SCAPER: variants seen among roughly 807,000 people sequenced by gnomAD.
The protein encoded by SCAPER is S phase cyclin A-associated protein in the endoplasmic reticulum.
Under a neutral mutation model 182.2 loss-of-function variants are expected in SCAPER, and 98 were observed. The observed-to-expected ratio is 0.54, with a 90% CI of 0.46 to 0.64. The LOEUF is 0.64. Among genes scored for constraint, SCAPER ranks in the 30% least tolerant of loss-of-function variants. The pLI is 0.00. For synonymous variants in SCAPER, 605 were observed against 564.6 expected, an observed-to-expected ratio of 1.07 and a Z score of -1.01; for missense variants, 1,432 against 1,690.0, an observed-to-expected ratio of 0.85 and a Z score of 2.68.
chr15:76,586,688 C>A (rs1239158906), intron 22 of SCAPER: 1 of 153,562 alleles, frequency 6.5e-6, no homozygotes, highest in Admixed American at 6.6e-5. Flanking sequence ...CAGATGGATA[C>A]CAAAATCAGA....
chr15:76,554,179 A>G lies in SCAPER; in HGVS notation c.2838+19979T>C, dbSNP rs912192947. The stretch of plus-strand genomic sequence containing the variant: ...CTGAAAAATACACTACAAGAATTTC[A>G]TAAGACAATCGCCAAGTATTAACAG... On this transcript the variant is annotated intron_variant, in intron 23 of 31. Coordinates refer to ENST00000563290, the MANE Select transcript of SCAPER (RefSeq NM_020843.4). 7.9e-5 allele frequency among the ~76,000 whole-genome samples: 12 copies of G among 152,364 alleles called. No homozygotes were observed. In the East Asian group the frequency reaches 9.6e-4, roughly 12 times the overall value.
chr15:76,620,148 AT>A (rs1351973720), intron 22 of SCAPER, among the ~76,000 whole-genome samples: 1 of 152,070 alleles, frequency 6.6e-6, no homozygotes, highest in African/African-American at 2.4e-5. Flanking sequence ...ATATATTTAT[AT>A]TTTCTAAGTG....
chr15:76,504,005 G>A (rs558330755), intron 24 of SCAPER, among the ~76,000 whole-genome samples: 2 of 151,722 alleles, frequency 1.3e-5, no homozygotes, highest in South Asian at 4.2e-4. Flanking sequence ...TCCTTTCTTA[G>A]CCTCCTGAGT....
intron 26 of SCAPER, among the ~76,000 whole-genome samples, chr15:76,410,361 T>C (rs1382628005): frequency 2.0e-5 from 3 of 152,238 alleles, no homozygotes. Flanking sequence ...CCTCTTAACA[T>C]TGTAGCTGAC....
At chr15:76,655,113 G>C (rs1363514292) in intron 21 of SCAPER, among the ~76,000 whole-genome samples, 1 of 152,128 alleles carries the variant, frequency 6.6e-6, no homozygotes, top group East Asian at 1.9e-4. Flanking sequence ...TCAAGATTCA[G>C]GAGAAAGTGT....
At chr15:76,897,936 A>G (rs1273923654) in intron 1 of SCAPER, among the ~76,000 whole-genome samples, 1 of 152,140 alleles carries the variant, frequency 6.6e-6, no homozygotes, top group Non-Finnish European at 1.5e-5. Flanking sequence ...ACAATGTAAT[A>G]ATAAACGTAA....
intron 1 of SCAPER, among the ~76,000 whole-genome samples, chr15:76,889,525 A>C (rs1434864450): frequency 6.6e-6 from 1 of 152,170 alleles, no homozygotes; most frequent in Non-Finnish European, 1.5e-5. Flanking sequence ...CGCAATTCTA[A>C]TCTCTGATAA....
chr15:76,406,147 G>T (rs2044813438), intron 26 of SCAPER, among the ~76,000 whole-genome samples: 1 of 151,940 alleles, frequency 6.6e-6, no homozygotes. Context: ...TTAAAAACTG[G>T]CTTTTACATT....
chr15:76,546,881 G>C (rs2045341202), intron 23 of SCAPER, among the ~76,000 whole-genome samples: 1 of 152,068 alleles, frequency 6.6e-6, no homozygotes. Flanking sequence ...ATGAGTCAAT[G>C]ACCTGTTCAA....
chr15:76,827,516 C>A (rs148900715), intron 5 of SCAPER, among the ~76,000 whole-genome samples: 66 of 152,018 alleles, frequency 4.3e-4, no homozygotes, highest in Admixed American at 1.6e-3. Context: ...TAGAATTGAT[C>A]CAAGTTTTAC....
chr15:76,611,293 A>G (rs888013041), intron 22 of SCAPER, among the ~76,000 whole-genome samples: 1 of 152,210 alleles, frequency 6.6e-6, no homozygotes, highest in Admixed American at 6.5e-5. Flanking sequence ...ACTCGAAACT[A>G]TAAAAGTCTT....
At chr15:76,679,456 GACT>G (rs2057561100) in intron 20 of SCAPER, among the ~76,000 whole-genome samples, 1 of 152,118 alleles carries the variant, frequency 6.6e-6, no homozygotes, top group African/African-American at 2.4e-5. Flanking sequence ...CATCATTTGT[GACT>G]ACATCACTTT....
intron 22 of SCAPER, among the ~76,000 whole-genome samples, chr15:76,588,072 C>A (rs1308164268): frequency 6.6e-6 from 1 of 152,156 alleles, no homozygotes; most frequent in Non-Finnish European, 1.5e-5. Flanking sequence ...CAAGCGCCCA[C>A]CACCATGCCT....
At chr15:76,674,669 A>T (rs751402314) in intron 20 of SCAPER, among the ~76,000 whole-genome samples, 3 of 152,082 alleles carry the variant, frequency 2.0e-5, no homozygotes, top group Non-Finnish European at 4.4e-5. Flanking sequence ...CTGAAAAAAT[A>T]TGTCACATAA....
intron 23 of SCAPER, among the ~76,000 whole-genome samples, chr15:76,511,885 ATTT>A (rs57258010): frequency 0.065 from 7,321 of 113,190 alleles, 581 homozygotes; most frequent in African/African-American, 0.19. Context: ...ATATATATAT[ATTT>A]TTTTTTTTTT....
At chr15:76,611,413 G>C (rs1195143279) in intron 22 of SCAPER, among the ~76,000 whole-genome samples, 1 of 152,000 alleles carries the variant, frequency 6.6e-6, no homozygotes. Context: ...AACCAATAAT[G>C]AGTTCTGAAA....
At chr15:76,567,060 T>G (rs1317305439) in intron 23 of SCAPER, among the ~76,000 whole-genome samples, 1 of 152,148 alleles carries the variant, frequency 6.6e-6, no homozygotes, top group African/African-American at 2.4e-5. Flanking sequence ...TTCTATTTTC[T>G]TTATAGTTTT....
intron 23 of SCAPER, among the ~76,000 whole-genome samples, chr15:76,537,410 G>A (rs2044274873): frequency 6.6e-6 from 1 of 152,120 alleles, no homozygotes; most frequent in Non-Finnish European, 1.5e-5. Flanking sequence ...CAGAAATAAC[G>A]CTGCTTATCT....
At chr15:76,483,701 C>T (rs2051343287) in intron 24 of SCAPER, among the ~76,000 whole-genome samples, 1 of 152,080 alleles carries the variant, frequency 6.6e-6, no homozygotes, top group African/African-American at 2.4e-5. Flanking sequence ...CTAATAGATA[C>T]ATCATCAAAG....
Sources: allele counts gnomAD v4.1 joint callset (sites outside exome capture counted in the v4.1 genomes callset), GRCh38; gene constraint gnomAD v4.1.1; transcripts MANE v1.5; gene names NCBI Gene and HGNC (gene_info 2026-07-23, HGNC 2026-07-21).